The following LRP2BP variants were observed in gnomAD, a reference collection of about 807,000 sequenced individuals.
LRP2BP encodes the protein LRP2 binding protein.
In LRP2BP, 38 loss-of-function variants were observed where a neutral mutation model predicts 45.2. The ratio of observed to expected loss-of-function variants is 0.84; its 90% confidence interval spans 0.65 to 1.10. The LOEUF is 1.10. LRP2BP is among the 50% of genes least tolerant of loss of function. The probability of loss-of-function intolerance (pLI) is 0.00; values close to 1 mark genes in which losing one functional copy is unlikely to be tolerated. For missense variants in LRP2BP, 385 were observed against 418.9 expected (o/e 0.92, Z 0.71); for synonymous variants, 153 against 153.9 (o/e 0.99, Z 0.04).
intron 6 of LRP2BP, 73 bp from the exon 7 acceptor site, chr4:185,373,152 A>G (rs2095421637): frequency 2.2e-6 from 3 of 1,355,478 alleles, no homozygotes; most frequent in Non-Finnish European, 3.1e-6. Context: ...CTAGACAGAA[A>G]AGAACTCTGT....
chr4:185,380,369 C>A (rs1259659824), intron 1 of LRP2BP, among the ~76,000 whole-genome samples: 1 of 152,104 alleles, frequency 6.6e-6, no homozygotes. Context: ...GCCTAGAAGT[C>A]CAAAATCAAG....
At chr4:185,393,973 T>C (rs2095495146) in intron 1 of LRP2BP, among the ~76,000 whole-genome samples, 2 of 152,154 alleles carry the variant, frequency 1.3e-5, no homozygotes, top group Admixed American at 6.5e-5. Context: ...GAAGACTCTT[T>C]TGCGGCCAGG....
Position 185,365,110 on chromosome 4 carries a change from T to G in LRP2BP, c.*2070A>C, listed in dbSNP as rs1216400091. 1 of 152,066 alleles carries G rather than the reference T, an allele frequency of 6.6e-6. No individual in the cohort carries two copies. Among genetic ancestry groups the G allele is most frequent in the African/African-American group, 2.4e-5 (1 of 41,392 alleles). 9.4% of individuals were successfully genotyped at this position (152,066 alleles called of 1,614,324 possible). Reference sequence around the variant, plus strand: ...TCACCGCAGTCTCAGGTCAAGGGGTTTACTACTGTCCTCAGCAGTGGTAGT... The same window carrying G: ...TCACCGCAGTCTCAGGTCAAGGGGTGTACTACTGTCCTCAGCAGTGGTAGT... On this transcript the variant is annotated 3_prime_UTR_variant, in exon 9 of 9. Transcript: ENST00000505916.
rs777571533 is a variant in LRP2BP at position 185,367,155 on chromosome 4, G to T, written c.*25C>A. The T allele has an allele frequency of 1.6e-5, 25 of 1,592,046 alleles. No individual in the cohort carries two copies. Among genetic ancestry groups the T allele is most frequent in the Non-Finnish European group, 2.0e-5 (23 of 1,162,836 alleles). ...CACATTGTGAGGTGTTAGCATTGAT[G>T]ATCTTTGTTGAAATACATTGTGGTC... On this transcript the variant is annotated 3_prime_UTR_variant, in exon 9 of 9. Coordinates refer to ENST00000505916, the MANE Select transcript of LRP2BP (RefSeq NM_001377440.1).
At chr4:185,393,365 G>A (rs2095493388) in intron 1 of LRP2BP, among the ~76,000 whole-genome samples, 1 of 152,174 alleles carries the variant, frequency 6.6e-6, no homozygotes, top group South Asian at 2.1e-4. Context: ...TTTCAATACT[G>A]TGCCTTTTGG....
rs2095420839 is a variant in LRP2BP at position 185,372,958 on chromosome 4, A to C, written c.701T>G (p.Leu234Ter). 1 of 1,613,986 alleles carries C rather than the reference A, an allele frequency of 6.2e-7. No homozygotes were observed. Among genetic ancestry groups the C allele is most frequent in the Non-Finnish European group, 8.5e-7 (1 of 1,179,880 alleles). The change falls in exon 7 of 9, where the codon TTA becomes TGA. Residue 234 changes from leucine (L) to a stop codon, truncating the protein, a stop_gained. Coordinates refer to ENST00000505916, the MANE Select transcript of LRP2BP (RefSeq NM_001377440.1). LOFTEE classifies it high-confidence loss of function. ...RQDTEAALQCLREAAERGNVY... is the reference protein window; with the variant it reads ...RQDTEAALQC ...GTTTCCGCGTTCTGCTGCTTCTCTTAAGCACTGCAGGGCAGCTTCCGTATC... is the reference window on the plus strand; with the variant it reads ...GTTTCCGCGTTCTGCTGCTTCTCTTCAGCACTGCAGGGCAGCTTCCGTATC...
chr4:185,382,348 G>A (rs191264820), intron 1 of LRP2BP, among the ~76,000 whole-genome samples: 2 of 152,198 alleles, frequency 1.3e-5, no homozygotes, highest in African/African-American at 4.8e-5. Context: ...GTTTTTGTGA[G>A]GATACATGTT....
Position 185,376,978 on chromosome 4 carries a change from G to A in LRP2BP, c.147C>T (p.Leu49=). 1 of 1,613,918 alleles carries A rather than the reference G, an allele frequency of 6.2e-7. No individual in the cohort carries two copies. Among genetic ancestry groups the A allele is most frequent in the Non-Finnish European group, 8.5e-7 (1 of 1,179,850 alleles). The change falls in exon 3 of 9, where the codon CTC becomes CTT. Residue 49 remains leucine (L), a synonymous_variant. Transcript: ENST00000505916. ...HANLVDKALQ[L]LKERILKGDT... ...CTCCTTTCAGTATTCTTTCCTTCAA[G>A]AGCTGCAATGCCTTATCCACCAAAT...
In LRP2BP at chr4:185,387,073, C is replaced by T. The variant is rs566364739; in HGVS notation, c.-22+7706G>A. Among the ~76,000 whole-genome samples, 7 of 152,248 alleles carry T rather than the reference C, an allele frequency of 4.6e-5. No individual in the cohort carries two copies. In the South Asian group the frequency reaches 1.2e-3, roughly 27 times the overall value. ...CCAGCCTGGCCAACATGGTGAAACCCCGTGTCTACTAAAAATACAAAAATT... is the reference window on the plus strand; with the variant it reads ...CCAGCCTGGCCAACATGGTGAAACCTCGTGTCTACTAAAAATACAAAAATT... On this transcript the variant is annotated intron_variant, in intron 1 of 8. Coordinates refer to ENST00000505916, the MANE Select transcript of LRP2BP (RefSeq NM_001377440.1).
chr4:185,382,525 G>T (rs2095458694), intron 1 of LRP2BP, among the ~76,000 whole-genome samples: 1 of 152,138 alleles, frequency 6.6e-6, no homozygotes, highest in Non-Finnish European at 1.5e-5. Context: ...ACCTGTTGTT[G>T]CCTATCTTTA....
chr4:185,370,672 C>T lies in LRP2BP; in HGVS notation c.946G>A (p.Asp316Asn), dbSNP rs753922441. 5.0e-6 allele frequency: 8 copies of T among 1,613,958 alleles called. No individual in the cohort carries two copies. Among genetic ancestry groups the T allele is most frequent in the South Asian group, 3.3e-5 (3 of 91,074 alleles). The change falls in exon 8 of 9, where the codon GAT becomes AAT. Residue 316 changes from aspartate (D) to asparagine (N), a missense_variant. By Grantham distance (23) the Asp-to-Asn change is conservative (BLOSUM62 1). Transcript: ENST00000505916. ...TAATAGTGTTTAGCGGTTGTTTCAT[C>T]CCTGGTGATGCCCAAGCCAAGCTGA... ...CLQLGLGITR[D>N]ETTAKHYYSK... is the part of the protein sequence containing the mutation.
In LRP2BP at chr4:185,394,762, T is replaced by C. The variant is rs115223803; in HGVS notation, c.-22+17A>G. ...CAAGATTCAGCCCACACATCTCTCA[T>C]CTATTCGGTCACTTACTCATCATCC... On this transcript the variant is annotated intron_variant, in intron 1 of 8. Transcript: ENST00000505916. 4.6e-4 allele frequency: 450 copies of C among 985,402 alleles called. No individual in the cohort carries two copies. In the African/African-American group the frequency reaches 7.4e-3, roughly 16 times the overall value. 61.0% of individuals were successfully genotyped at this position (985,402 alleles called of 1,614,324 possible). A position where few individuals can be genotyped will look rare whatever the true frequency, so the allele number is the denominator to read the frequency against.
Position 185,395,050 on chromosome 4 carries a change from C to T in LRP2BP, c.-293G>A. On this transcript the variant is annotated 5_prime_UTR_variant, in exon 1 of 9. Coordinates refer to ENST00000505916, the MANE Select transcript of LRP2BP (RefSeq NM_001377440.1). ...TTTGTTCAGTTTATAGTTTCTAGGCCCATTACTAAAGTCAAGTCAGATATC... is the reference window on the plus strand; with the variant it reads ...TTTGTTCAGTTTATAGTTTCTAGGCTCATTACTAAAGTCAAGTCAGATATC... The T allele has an allele frequency of 1.0e-6, 1 of 985,104 alleles. No homozygotes were observed. The highest frequency in any genetic ancestry group is 4.7e-5 in the South Asian group (1 of 21,260). 61.0% of individuals were successfully genotyped at this position (985,104 alleles called of 1,614,324 possible). A position where few individuals can be genotyped will look rare whatever the true frequency, so the allele number is the denominator to read the frequency against.
chr4:185,368,896 C>T (rs28399832), intron 8 of LRP2BP, among the ~76,000 whole-genome samples: 3,769 of 150,576 alleles, frequency 0.025, 153 homozygotes, highest in African/African-American at 0.086. Context: ...CAGGTTCAAG[C>T]GATTCTCATG....
intron 7 of LRP2BP, among the ~76,000 whole-genome samples, chr4:185,372,216 G>A (rs1172131897): frequency 6.6e-6 from 1 of 152,184 alleles, no homozygotes; most frequent in Non-Finnish European, 1.5e-5. Flanking sequence ...ATGCCAAGCT[G>A]TGTTAAGTAC....
Position 185,394,801 on chromosome 4 carries a change from A to G in LRP2BP, c.-44T>C. 1 of 985,412 alleles carries G rather than the reference A, an allele frequency of 1.0e-6. No homozygotes were observed. 61.0% of individuals were successfully genotyped at this position (985,412 alleles called of 1,614,324 possible). A position where few individuals can be genotyped will look rare whatever the true frequency, so the allele number is the denominator to read the frequency against. On this transcript the variant is annotated 5_prime_UTR_variant, in exon 1 of 9. Coordinates refer to ENST00000505916, the MANE Select transcript of LRP2BP (RefSeq NM_001377440.1). The stretch of plus-strand genomic sequence containing the variant: ...TACTCATCATCCAACGTTTTTTTTA[A>G]CACTCGCTGTAAATGGCATCCTCGT...
At chr4:185,396,651 C>T (rs1303820456), upstream of LRP2BP, 1 of 502,744 alleles carries the variant, frequency 2.0e-6, no homozygotes, top group Non-Finnish European at 3.5e-6. Flanking sequence ...CGCGCCCGCC[C>T]CCTCCCCCTG....
Position 185,394,791 on chromosome 4 carries a change from G to GT in LRP2BP, c.-35dup, listed in dbSNP as rs1055643083. ...TTCGGTCACTTACTCATCATCCAAC[G>GT]TTTTTTTTAACACTCGCTGTAAATG... is the stretch of plus-strand genomic sequence containing the variant. On this transcript the variant is annotated 5_prime_UTR_variant, in exon 1 of 9. An upstream open reading frame in the 5' UTR loses its in-frame stop. Transcript: ENST00000505916. 49 of 984,844 alleles carry GT rather than the reference G, an allele frequency of 5.0e-5. No homozygotes were observed. The highest frequency in any genetic ancestry group is 3.7e-4 in the African/African-American group (21 of 57,100). The allele number at this position is 984,844 out of a possible 1,614,324, so 61.0% of individuals were successfully genotyped here. A position where few individuals can be genotyped will look rare whatever the true frequency, so the allele number is the denominator to read the frequency against.
At chr4:185,376,230 A>AT (rs1434749971) in intron 3 of LRP2BP, among the ~76,000 whole-genome samples, 3 of 152,184 alleles carry the variant, frequency 2.0e-5, no homozygotes, top group Non-Finnish European at 4.4e-5. Context: ...TAAGTACTAG[A>AT]TAAAAATCAA....
Sources: gnomAD v4.1 joint callset for allele counts (sites outside exome capture counted in the v4.1 genomes callset) on GRCh38, gnomAD v4.1.1 for gene constraint, MANE v1.5 for transcripts, NCBI Gene and HGNC (gene_info 2026-07-23, HGNC 2026-07-21) for gene names.